The following CACNA1B variants were observed in gnomAD, a reference collection of about 807,000 sequenced individuals.
The protein encoded by CACNA1B is calcium voltage-gated channel subunit alpha1 B, also known as voltage-dependent N-type calcium channel subunit alpha-1B.
A neutral mutation model predicts 247.2 loss-of-function variants in CACNA1B; 70 were observed. The observed-to-expected ratio is 0.28, with a 90% CI of 0.23 to 0.35. CACNA1B has a LOEUF of 0.35. Ranked by LOEUF, CACNA1B falls within the 10% of genes least tolerant of loss-of-function variation. The probability of loss-of-function intolerance (pLI) is 1.00; values close to 1 mark genes in which losing one functional copy is unlikely to be tolerated. For missense variants in CACNA1B, 2,367 were observed against 3,197.4 expected, an observed-to-expected ratio of 0.74 and a Z score of 6.26; for synonymous variants, 1,231 against 1,294.4, an observed-to-expected ratio of 0.95 and a Z score of 1.05.
In CACNA1B at chr9:137,896,908, A is replaced by G. The variant is rs568687801; in HGVS notation, c.530+14025A>G. Among the ~76,000 whole-genome samples the G allele has an allele frequency of 5.9e-5, 9 of 152,294 alleles. No individual in the cohort carries two copies. The South Asian group carries it at 1.7e-3, about 28-fold the overall frequency. ...TCCAACTCGTTGAATTTATGTGTGT[A>G]GAGTTGTTCACAGTGTTCCCTCATT... On this transcript the variant is annotated intron_variant, in intron 3 of 46. Coordinates refer to ENST00000371372, the MANE Select transcript of CACNA1B (RefSeq NM_000718.4).
intron 3 of CACNA1B, chr9:137,892,373 G>A (rs1214421950): frequency 4.4e-6 from 2 of 456,448 alleles, no homozygotes; most frequent in Non-Finnish European, 8.8e-6. Flanking sequence ...CAGACCCTGG[G>A]GCAGGCGGGA....
intron 6 of CACNA1B, among the ~76,000 whole-genome samples, chr9:137,939,025 G>A (rs1024587103): frequency 5.3e-5 from 8 of 152,096 alleles, no homozygotes; most frequent in African/African-American, 1.7e-4. Context: ...AGGCAAGATA[G>A]TGCCATTGCA....
At position 137,888,324 on chromosome 9, in the gene CACNA1B, G is replaced by A. The variant is rs2133234828; in HGVS notation, c.530+5441G>A. Among the ~76,000 whole-genome samples, 1 of 152,028 alleles carries A rather than the reference G, an allele frequency of 6.6e-6. No homozygotes were observed. The highest frequency in any genetic ancestry group is 2.4e-5 in the African/African-American group (1 of 41,508). ...AGTCTCACGTGCATCCACGCTCCCA[G>A]TCCTGTCCCCACGTCACTGCCTCTG... On this transcript the variant is annotated intron_variant, in intron 3 of 46. Coordinates refer to ENST00000371372, the MANE Select transcript of CACNA1B (RefSeq NM_000718.4). This position sits in a 1 kb window ranked among gnomAD's most constrained non-coding sequence, Gnocchi z 4.7.
intron 15 of CACNA1B, among the ~76,000 whole-genome samples, chr9:137,998,106 G>A (rs1440774044): frequency 6.6e-6 from 1 of 152,082 alleles, no homozygotes; most frequent in African/African-American, 2.4e-5. Context: ...TTTCCTGGTG[G>A]TGGGGTGGGG....
chr9:138,023,864 C>T (rs1408219735), intron 19 of CACNA1B, 53 bp downstream of exon 19: 3 of 889,866 alleles, frequency 3.4e-6, no homozygotes, highest in Admixed American at 2.1e-5. Context: ...CGGGGCGGCG[C>T]GGGCCCCAGC....
chr9:138,115,927 CTTG>C lies in CACNA1B; in HGVS notation c.5777+253_5777+255del, dbSNP rs1393476857. On this transcript the variant is annotated intron_variant, in intron 42 of 46. Transcript: ENST00000371372. ...TCAGGGGCTGGCTTTGCTACAGATG[CTTG>C]TTGTACTTGCTGCCTGAGAGCAGTC... Among the ~76,000 whole-genome samples, 10 of 152,348 alleles carry C rather than the reference CTTG, an allele frequency of 6.6e-5. No homozygotes were observed. The South Asian group carries it at 1.4e-3, about 22-fold the overall frequency.
At chr9:137,938,440 A>C (rs1335289733) in intron 6 of CACNA1B, among the ~76,000 whole-genome samples, 1 of 152,194 alleles carries the variant, frequency 6.6e-6, no homozygotes, top group East Asian at 1.9e-4. Flanking sequence ...TAAATGGCCT[A>C]AATGCTCCAC....
At position 138,120,631 on chromosome 9, in the gene CACNA1B, C is replaced by A; in HGVS notation, c.6239C>A (p.Ala2080Glu). ...CTAACTTCTTCTCTTCCCTGGCCAG[C>A]ACCAAGCAGTGCTGTGGGGCCGGGG... ...GPSLSADMDG[A>E]PSSAVGPGLP... Residue 2080 changes from alanine (A) to glutamate (E), a missense_variant and splice_region_variant, in exon 46 of 47, where the codon GCA becomes GAA. This residue lies in a region of CACNA1B where 773 missense variants were observed against 779.4 expected (regional missense o/e 0.99). Coordinates refer to ENST00000371372, the MANE Select transcript of CACNA1B (RefSeq NM_000718.4). 2 of 1,496,342 alleles carry A rather than the reference C, an allele frequency of 1.3e-6. No homozygotes were observed. Among genetic ancestry groups the A allele is most frequent in the South Asian group, 1.3e-5 (1 of 74,272 alleles). 92.7% of individuals were successfully genotyped at this position (1,496,342 alleles called of 1,614,324 possible).
intron 10 of CACNA1B, among the ~76,000 whole-genome samples, chr9:137,966,688 G>GCCCA (rs1958081168): frequency 6.6e-6 from 1 of 151,534 alleles, no homozygotes; most frequent in Non-Finnish European, 1.5e-5. Context: ...ACAGGCACGT[G>GCCCA]CCACCACGCC....
chr9:137,927,069 G>T (rs1031532307), intron 6 of CACNA1B, among the ~76,000 whole-genome samples: 1 of 151,972 alleles, frequency 6.6e-6, no homozygotes, highest in Non-Finnish European at 1.5e-5. Context: ...TTCTTTTGTT[G>T]CCTTTACCTT....
intron 10 of CACNA1B, among the ~76,000 whole-genome samples, chr9:137,966,839 A>C (rs1958084344): frequency 6.6e-6 from 1 of 152,022 alleles, no homozygotes; most frequent in Non-Finnish European, 1.5e-5. Flanking sequence ...CACCCAGCCA[A>C]TTTTTTAAAA....
intron 44 of CACNA1B, 81 bp downstream of exon 44, chr9:138,118,849 C>T: frequency 2.9e-6 from 2 of 682,936 alleles, no homozygotes; most frequent in Non-Finnish European, 5.1e-6. Flanking sequence ...GGGCCTCCTG[C>T]AGGTGAGGAG....
At chr9:138,021,604 A>G (rs1228307241) in intron 18 of CACNA1B, among the ~76,000 whole-genome samples, 6 of 152,184 alleles carry the variant, frequency 3.9e-5, no homozygotes, top group African/African-American at 1.4e-4. Context: ...TTGTTAGTGC[A>G]GTTGGGGTCT....
chr9:138,037,672 A>G (rs944773140), intron 20 of CACNA1B, among the ~76,000 whole-genome samples: 1 of 135,860 alleles, frequency 7.4e-6, no homozygotes, highest in Non-Finnish European at 1.6e-5. Context: ...AAAAACAAAC[A>G]AAAAAAAAAA....
intron 16 of CACNA1B, among the ~76,000 whole-genome samples, chr9:138,009,361 C>T (rs903079019): frequency 3.3e-5 from 5 of 152,202 alleles, no homozygotes; most frequent in East Asian, 3.8e-4. Flanking sequence ...CTGCAATCTA[C>T]GGAGCGGATG....
intron 15 of CACNA1B, among the ~76,000 whole-genome samples, chr9:137,991,181 T>TA (rs1202136638): frequency 1.3e-5 from 2 of 151,740 alleles, no homozygotes; most frequent in Admixed American, 6.6e-5. Context: ...CTTAAAGAAA[T>TA]AAAAAACATG....
Position 138,124,570 on chromosome 9 carries a change from G to A in CACNA1B, c.*2571G>A, listed in dbSNP as rs1962199651. The A allele has an allele frequency of 6.6e-6, 1 of 152,218 alleles. No homozygotes were observed. Among genetic ancestry groups the A allele is most frequent in the Non-Finnish European group, 1.5e-5 (1 of 68,030 alleles). The allele number at this position is 152,218 out of a possible 1,614,324, so 9.4% of individuals were successfully genotyped here. On this transcript the variant is annotated 3_prime_UTR_variant, in exon 47 of 47. Transcript: ENST00000371372. ...TTTCTACAATGACATTTTGTATGAA[G>A]CAAAGTCCTTGAATTAAAATAAAAA...
At chr9:138,024,227 G>T (rs945604808) in intron 19 of CACNA1B, among the ~76,000 whole-genome samples, 1 of 152,242 alleles carries the variant, frequency 6.6e-6, no homozygotes, top group African/African-American at 2.4e-5. Flanking sequence ...AGGCCAGTGG[G>T]CTGGGCGCAG....
At chr9:138,096,415 T>G (rs2131342190) in intron 36 of CACNA1B, 69 bp from the exon 37 acceptor site, 2 of 1,327,754 alleles carry the variant, frequency 1.5e-6, no homozygotes, top group Non-Finnish European at 2.1e-6. Context: ...CACTGGAGAG[T>G]GGTGGGGGGC....
Sources: gnomAD v4.1 joint callset for allele counts (sites outside exome capture counted in the v4.1 genomes callset) on GRCh38, gnomAD v4.1.1 for gene constraint, gnomAD v4.1.1 regional missense constraint, Gnocchi (gnomAD v3.1) non-coding constraint, MANE v1.5 for transcripts, NCBI Gene and HGNC (gene_info 2026-07-23, HGNC 2026-07-21) for gene names.